Variants in SIDT1 observed in about 807,000 individuals in gnomAD.
The protein encoded by SIDT1 is SID1 transmembrane family, member 1.
In SIDT1, 101 loss-of-function variants were observed where a neutral mutation model predicts 107.5. The ratio of observed to expected loss-of-function variants is 0.94; its 90% CI spans 0.80 to 1.11. The LOEUF (loss-of-function observed/expected upper bound fraction) is 1.11, where lower values mean the gene tolerates loss of function less well. Among genes scored for constraint, SIDT1 ranks in the 50% least tolerant of loss-of-function variants. The pLI, the probability that SIDT1 is intolerant of heterozygous loss-of-function variation, is 0.00. For missense variants in SIDT1, 1,076 were observed against 1,058.2 expected, an observed-to-expected ratio of 1.02 and a Z score of -0.23; for synonymous variants, 395 against 398.2, an observed-to-expected ratio of 0.99 and a Z score of 0.10.
At chr3:113,548,459 T>G (rs1939846972) in intron 1 of SIDT1, among the ~76,000 whole-genome samples, 1 of 152,118 alleles carries the variant, frequency 6.6e-6, no homozygotes, top group Admixed American at 6.5e-5. Context: ...TAGTTTTGCC[T>G]TTTCCAGAAT....
At chr3:113,558,082 T>C (rs1280983960) in intron 1 of SIDT1, among the ~76,000 whole-genome samples, 2 of 152,028 alleles carry the variant, frequency 1.3e-5, no homozygotes, top group African/African-American at 2.4e-5. Context: ...TCTATGAAAT[T>C]AGAGTAAGTG....
chr3:113,558,440 T>C (rs1337619855), intron 1 of SIDT1, among the ~76,000 whole-genome samples: 2 of 152,188 alleles, frequency 1.3e-5, no homozygotes, highest in African/African-American at 4.8e-5. Flanking sequence ...TCTGCACATC[T>C]TACAGGAAGG....
Position 113,533,120 on chromosome 3 carries a change from G to T in SIDT1, c.99G>T (p.Pro33=), listed in dbSNP as rs771678733. The T allele has an allele frequency of 6.4e-7, 1 of 1,553,900 alleles. No homozygotes were observed. The highest frequency in any genetic ancestry group is 1.9e-5 in the Admixed American group (1 of 51,860). The part of the protein sequence containing the change: ...GHPAKSPRQP[P]APRRDPFDAA... The stretch of plus-strand genomic sequence containing the variant: ...CGGCGAAATCCCCCAGGCAGCCCCC[G>T]GCACCGCGCCGCGACCCCTTCGACG... Residue 33 remains proline (P), a synonymous_variant, in exon 1 of 25, where the codon CCG becomes CCT. Coordinates refer to ENST00000264852, the MANE Select transcript of SIDT1 (RefSeq NM_017699.3).
At chr3:113,595,240 G>A (rs1034520771) in intron 10 of SIDT1, among the ~76,000 whole-genome samples, 1 of 152,056 alleles carries the variant, frequency 6.6e-6, no homozygotes, top group Non-Finnish European at 1.5e-5. Flanking sequence ...TCACTTCCGT[G>A]CACTAGATTC....
chr3:113,547,577 G>C (rs1939737719), intron 1 of SIDT1, among the ~76,000 whole-genome samples: 1 of 152,108 alleles, frequency 6.6e-6, no homozygotes, highest in African/African-American at 2.4e-5. Flanking sequence ...AGATTGAATA[G>C]GGCATTTTTC....
intron 14 of SIDT1, 123 bp downstream of exon 14, chr3:113,605,099 C>T: frequency 1.4e-6 from 1 of 734,666 alleles, no homozygotes; most frequent in Non-Finnish European, 2.2e-6. Context: ...ATTGGGGTTC[C>T]AATTGGAATT....
chr3:113,549,404 A>G (rs1290959606), intron 1 of SIDT1, among the ~76,000 whole-genome samples: 1 of 152,210 alleles, frequency 6.6e-6, no homozygotes, highest in Non-Finnish European at 1.5e-5. Flanking sequence ...GTTGTTCCAC[A>G]ACCTCATCAG....
chr3:113,621,737 T>C (rs1317439315), intron 21 of SIDT1, among the ~76,000 whole-genome samples: 1 of 152,224 alleles, frequency 6.6e-6, no homozygotes, highest in Non-Finnish European at 1.5e-5. Flanking sequence ...TTCTAAAATT[T>C]ATTTGCTAGT....
chr3:113,546,757 C>A (rs1939641193), intron 1 of SIDT1, among the ~76,000 whole-genome samples: 1 of 152,112 alleles, frequency 6.6e-6, no homozygotes, highest in African/African-American at 2.4e-5. Flanking sequence ...CTTGAAACGT[C>A]TTTGTTGCTG....
intron 1 of SIDT1, among the ~76,000 whole-genome samples, chr3:113,553,351 A>C (rs1940483563): frequency 6.6e-6 from 1 of 152,156 alleles, no homozygotes; most frequent in African/African-American, 2.4e-5. Context: ...ATTATATCAC[A>C]AAAATAAAAG....
chr3:113,584,042 A>C (rs1000664251), intron 7 of SIDT1, among the ~76,000 whole-genome samples: 1 of 152,218 alleles, frequency 6.6e-6, no homozygotes, highest in Non-Finnish European at 1.5e-5. Context: ...ACAAATAGTT[A>C]TGGTTAACTA....
rs61454117 is a variant in SIDT1, at chr3:113,623,192, TAAAAAAAAAAAAAA to T, written c.2091-219_2091-206del. On this transcript the variant is annotated intron_variant, in intron 21 of 24. Transcript: ENST00000264852. The stretch of plus-strand genomic sequence containing the variant: ...AGTGAGGGAATGAGACCCCAACTCT[TAAAAAAAAAAAAAA>T]AAAAAAAAAAAAAAAGATACTTATA... Among the ~76,000 whole-genome samples the T allele has an allele frequency of 1.1e-4, 6 of 53,852 alleles. No homozygotes were observed. The South Asian group carries it at 4.0e-3, about 36-fold the overall frequency. The allele number at this position is 53,852 out of a possible 152,430, so 35.3% of individuals were successfully genotyped here.
intron 1 of SIDT1, among the ~76,000 whole-genome samples, chr3:113,557,404 C>T (rs2107695080): frequency 6.6e-6 from 1 of 152,274 alleles, no homozygotes; most frequent in East Asian, 1.9e-4. Flanking sequence ...ATCATCTTTG[C>T]AGTTGTGACC....
intron 20 of SIDT1, among the ~76,000 whole-genome samples, chr3:113,616,496 G>A (rs1946115982): frequency 6.6e-6 from 1 of 152,088 alleles, no homozygotes; most frequent in Non-Finnish European, 1.5e-5. Flanking sequence ...GTTAGAGGGT[G>A]GGGCGAGGGG....
intron 11 of SIDT1, 49 bp from the exon 12 acceptor site, chr3:113,602,956 C>G: frequency 1.9e-6 from 3 of 1,601,038 alleles, no homozygotes; most frequent in South Asian, 2.2e-5. Flanking sequence ...GAATGGGCTC[C>G]GTAGGCTCTC....
chr3:113,566,338 TTGTG>T (rs55802002), intron 1 of SIDT1, 78 bp from the exon 2 acceptor site: 64,645 of 1,079,096 alleles, frequency 0.06, 1,055 homozygotes, highest in East Asian at 0.15. Flanking sequence ...TTGTGTGTGT[TTGTG>T]TGTGTGTGTG....
intron 13 of SIDT1, 149 bp from the exon 14 acceptor site, chr3:113,604,761 G>GGA: frequency 1.3e-6 from 1 of 789,578 alleles, no homozygotes. Context: ...GAGGACAACT[G>GGA]GAGAAACAAG....
At chr3:113,580,249 A>T (rs1292766029) in intron 4 of SIDT1, among the ~76,000 whole-genome samples, 1 of 152,368 alleles carries the variant, frequency 6.6e-6, no homozygotes, top group Admixed American at 6.5e-5. Context: ...AGTGAATCTT[A>T]TCACATGTTA....
intron 19 of SIDT1, chr3:113,614,914 C>G: frequency 1.3e-6 from 1 of 742,806 alleles, no homozygotes; most frequent in Non-Finnish European, 2.2e-6. Flanking sequence ...TTCTCTTTGA[C>G]AAGTAAGCAT....
Sources: allele counts gnomAD v4.1 joint callset (sites outside exome capture counted in the v4.1 genomes callset), GRCh38; gene constraint gnomAD v4.1.1; transcripts MANE v1.5; gene names NCBI Gene and HGNC (gene_info 2026-07-23, HGNC 2026-07-21).